Variants in SGCZ observed in about 807,000 individuals in gnomAD.
The protein encoded by SGCZ is zeta-sarcoglycan.
A neutral mutation model predicts 41.3 loss-of-function variants in SGCZ; 40 were observed. That is an observed-to-expected ratio of 0.97 (90% CI 0.75 to 1.26). SGCZ has a LOEUF of 1.26. Ranked by LOEUF, SGCZ falls within the 50% of genes most tolerant of loss-of-function variation. SGCZ has a pLI of 0.00. For synonymous variants in SGCZ, 206 were observed against 137.5 expected, an observed-to-expected ratio of 1.50 and a Z score of -3.49; for missense variants, 552 against 369.8, an observed-to-expected ratio of 1.49 and a Z score of -4.04.
intron 1 of SGCZ, among the ~76,000 whole-genome samples, chr8:14,990,917 A>G (rs1019627528): frequency 6.6e-6 from 1 of 152,172 alleles, no homozygotes; most frequent in African/African-American, 2.4e-5. Context: ...ACCCAGTCCC[A>G]GTCCAGCATA....
At chr8:14,188,762 T>A (rs916000126) in intron 4 of SGCZ, among the ~76,000 whole-genome samples, 1 of 151,988 alleles carries the variant, frequency 6.6e-6, no homozygotes, top group Non-Finnish European at 1.5e-5. Flanking sequence ...TCAACACATA[T>A]CCAAAATAAT....
chr8:15,203,422 T>C (rs1227913575), intron 1 of SGCZ, among the ~76,000 whole-genome samples: 1 of 152,216 alleles, frequency 6.6e-6, no homozygotes, highest in African/African-American at 2.4e-5. Context: ...AGTTTCATTA[T>C]GCACATCTTT....
At chr8:14,242,360 C>T (rs13249458) in intron 3 of SGCZ, among the ~76,000 whole-genome samples, 4 of 152,086 alleles carry the variant, frequency 2.6e-5, no homozygotes, top group African/African-American at 9.6e-5. Context: ...AGTTATGAAG[C>T]TTACAATAAA....
rs575473936 is a variant in SGCZ at position 14,112,305 on chromosome 8, G to A, written c.548-4070C>T. Among the ~76,000 whole-genome samples, 308 of 150,972 alleles carry A rather than the reference G, an allele frequency of 2.0e-3. 2 individuals are homozygous for A. The highest frequency in any genetic ancestry group is 7.0e-3 in the African/African-American group (289 of 41,010). On this transcript the variant is annotated intron_variant, in intron 5 of 7. Transcript: ENST00000382080. ...TTGTGGGGGGGGGGTGCAAAGAAGG[G>A]AATGGATTTTATGTAGATATCAACA...
intron 2 of SGCZ, among the ~76,000 whole-genome samples, chr8:14,374,279 T>G (rs1804023615): frequency 6.6e-6 from 1 of 152,044 alleles, no homozygotes; most frequent in African/African-American, 2.4e-5. Context: ...TTCAGGAGGC[T>G]GAGATGGGAG....
intron 2 of SGCZ, among the ~76,000 whole-genome samples, chr8:14,544,806 GC>G (rs1803574939): frequency 6.6e-6 from 1 of 152,094 alleles, no homozygotes; most frequent in Non-Finnish European, 1.5e-5. Context: ...TTCTGCTTTT[GC>G]CCTTTGCCTT....
At chr8:14,890,691 T>C (rs1585353344) in intron 1 of SGCZ, among the ~76,000 whole-genome samples, 1 of 152,192 alleles carries the variant, frequency 6.6e-6, no homozygotes, top group Non-Finnish European at 1.5e-5. Flanking sequence ...TATTGACAGG[T>C]TTTCAACATA....
At chr8:14,601,173 A>G (rs1453921383) in intron 1 of SGCZ, among the ~76,000 whole-genome samples, 1 of 151,968 alleles carries the variant, frequency 6.6e-6, no homozygotes, top group African/African-American at 2.4e-5. Flanking sequence ...AACATTTTAC[A>G]TGCAGCTATA....
intron 1 of SGCZ, among the ~76,000 whole-genome samples, chr8:15,222,085 TG>T: frequency 6.6e-6 from 1 of 152,360 alleles, no homozygotes; most frequent in Middle Eastern, 3.4e-3. Context: ...ATATGTAAGT[TG>T]GTTAGACTAT....
At chr8:14,332,340 T>A (rs182152445) in intron 2 of SGCZ, among the ~76,000 whole-genome samples, 4 of 151,812 alleles carry the variant, frequency 2.6e-5, no homozygotes, top group African/African-American at 9.7e-5. Context: ...ACTCAGGAGG[T>A]TGGGGCAGGA....
intron 2 of SGCZ, among the ~76,000 whole-genome samples, chr8:14,527,905 A>G (rs34599245): frequency 0.051 from 7,738 of 152,114 alleles, 524 homozygotes; most frequent in African/African-American, 0.15. Context: ...GTCCAAAAAA[A>G]GTGGGAGGTG....
intron 1 of SGCZ, among the ~76,000 whole-genome samples, chr8:15,030,812 T>C (rs1803633827): frequency 6.6e-6 from 1 of 152,120 alleles, no homozygotes; most frequent in African/African-American, 2.4e-5. Flanking sequence ...AAATGAAAAG[T>C]GAAGCAGGGC....
chr8:14,091,236 T>C (rs1232279392), intron 7 of SGCZ, among the ~76,000 whole-genome samples: 4 of 151,878 alleles, frequency 2.6e-5, no homozygotes, highest in African/African-American at 4.8e-5. Flanking sequence ...TAGTGTGTCA[T>C]TGATGGACAT....
intron 2 of SGCZ, among the ~76,000 whole-genome samples, chr8:14,380,168 G>A (rs116270523): frequency 0.019 from 2,923 of 152,236 alleles, 75 homozygotes; most frequent in African/African-American, 0.055. Flanking sequence ...ATATATGCAA[G>A]CTTTATATAG....
intron 5 of SGCZ, among the ~76,000 whole-genome samples, chr8:14,160,562 G>A (rs184741677): frequency 6.6e-6 from 1 of 152,154 alleles, no homozygotes; most frequent in South Asian, 2.1e-4. Context: ...GACATGTTAA[G>A]GTCAAATAAG....
chr8:14,589,653 A>C (rs1031071749), intron 1 of SGCZ, among the ~76,000 whole-genome samples: 1 of 152,188 alleles, frequency 6.6e-6, no homozygotes, highest in African/African-American at 2.4e-5. Context: ...CATAATATTC[A>C]TAGTTGCATT....
intron 1 of SGCZ, among the ~76,000 whole-genome samples, chr8:14,698,917 T>C (rs535050508): frequency 6.6e-6 from 1 of 151,892 alleles, no homozygotes; most frequent in Non-Finnish European, 1.5e-5. Flanking sequence ...GTGAAAACTT[T>C]GAAAGAGTGG....
intron 1 of SGCZ, among the ~76,000 whole-genome samples, chr8:14,691,306 T>C (rs897669914): frequency 2.0e-5 from 3 of 152,160 alleles, no homozygotes; most frequent in East Asian, 1.9e-4. Context: ...TGTTGGAATA[T>C]TTATTTTAGA....
chr8:15,056,835 G>A (rs1361768181), intron 1 of SGCZ, among the ~76,000 whole-genome samples: 1 of 152,144 alleles, frequency 6.6e-6, no homozygotes, highest in Non-Finnish European at 1.5e-5. Flanking sequence ...GCCAGTGTCA[G>A]CAATCAAGCA....
Sources: gnomAD v4.1 joint callset for allele counts (sites outside exome capture counted in the v4.1 genomes callset) on GRCh38, gnomAD v4.1.1 for gene constraint, MANE v1.5 for transcripts, NCBI Gene and HGNC (gene_info 2026-07-23, HGNC 2026-07-21) for gene names.